Variants in RP1 observed in about 807,000 individuals in gnomAD.
The protein encoded by RP1 is RP1 axonemal microtubule associated.
A neutral mutation model predicts 14.8 loss-of-function variants in RP1; 16 were observed. The observed-to-expected ratio is 1.08, with a 90% CI of 0.73 to 1.65. The LOEUF (loss-of-function observed/expected upper bound fraction) is 1.65, where lower values mean the gene tolerates loss of function less well. Among genes scored for constraint, RP1 ranks in the 40% most tolerant of loss-of-function variants. RP1 has a pLI of 0.00. For synonymous variants in RP1, 876 were observed against 883.6 expected, an observed-to-expected ratio of 0.99 and a Z score of 0.15; for missense variants, 2,631 against 2,535.0, an observed-to-expected ratio of 1.04 and a Z score of -0.81.
intron 24 of RP1, among the ~76,000 whole-genome samples, chr8:54,792,728 A>C (rs536649772): frequency 3.9e-5 from 6 of 152,052 alleles, no homozygotes; most frequent in African/African-American, 1.4e-4. Context: ...AAATGGCTAC[A>C]TTATGAAACA....
At position 54,826,517 on chromosome 8, in the gene RP1, T is replaced by C. The variant is rs573308726; in HGVS notation, c.3616-10933T>C. On this transcript the variant is annotated intron_variant, in intron 24 of 28. Coordinates refer to the RP1 transcript ENST00000637698. ...TTCAGTTTTTAGAGAATAACCATTA[T>C]AAAGAATTTCTGTCATCAATATAAA... 3.9e-5 allele frequency among the ~76,000 whole-genome samples: 6 copies of C among 152,348 alleles called. No individual in the cohort carries two copies. The South Asian group carries it at 6.2e-4, about 16-fold the overall frequency.
chr8:54,567,244 A>T (rs1804429603), intron 1 of RP1, among the ~76,000 whole-genome samples: 1 of 152,240 alleles, frequency 6.6e-6, no homozygotes, highest in African/African-American at 2.4e-5. Context: ...TCAGTCTCTC[A>T]GTCGCGGAAT....
intron 1 of RP1, among the ~76,000 whole-genome samples, chr8:54,570,602 A>G (rs1329251607): frequency 4.0e-5 from 6 of 151,164 alleles, no homozygotes; most frequent in Admixed American, 4.0e-4. Context: ...TGCTAGAATT[A>G]CAGGTGTGAG....
intron 25 of RP1, among the ~76,000 whole-genome samples, chr8:54,846,025 C>A (rs1406585248): frequency 1.3e-5 from 2 of 152,190 alleles, no homozygotes; most frequent in Non-Finnish European, 2.9e-5. Flanking sequence ...TTCCAGCCAG[C>A]TTTGCGAAGG....
At chr8:54,664,684 C>A (rs1806976630) in intron 7 of RP1, among the ~76,000 whole-genome samples, 1 of 152,076 alleles carries the variant, frequency 6.6e-6, no homozygotes, top group Non-Finnish European at 1.5e-5. Context: ...TGTATATAAT[C>A]TTTGGAGAAA....
chr8:54,692,036 A>G (rs1279399381), intron 12 of RP1, among the ~76,000 whole-genome samples: 2 of 151,924 alleles, frequency 1.3e-5, no homozygotes, highest in South Asian at 2.1e-4. Flanking sequence ...CTCGTTGTTC[A>G]ATTCCCACCT....
At chr8:54,791,897 G>C (rs1810473515) in intron 24 of RP1, among the ~76,000 whole-genome samples, 1 of 151,998 alleles carries the variant, frequency 6.6e-6, no homozygotes, top group African/African-American at 2.4e-5. Context: ...TAAATTATTT[G>C]ATGAAAAGAT....
chr8:54,666,029 A>G (rs2129330626), intron 7 of RP1, among the ~76,000 whole-genome samples: 1 of 152,084 alleles, frequency 6.6e-6, no homozygotes, highest in East Asian at 1.9e-4. Context: ...GAGAATGCCT[A>G]TCCCCATCAG....
At chr8:54,635,800 C>G (rs1451856339), downstream of RP1, among the ~76,000 whole-genome samples, 1 of 152,136 alleles carries the variant, frequency 6.6e-6, no homozygotes, top group Non-Finnish European at 1.5e-5. Flanking sequence ...TAGGTTCACC[C>G]CTTCAGGAGG....
chr8:54,658,732 T>C (rs1256838690), intron 6 of RP1, among the ~76,000 whole-genome samples: 1 of 152,186 alleles, frequency 6.6e-6, no homozygotes, highest in Non-Finnish European at 1.5e-5. Flanking sequence ...TACTTTGAAC[T>C]CTTTTGGGTG....
At chr8:54,820,906 C>T (rs1811240714) in intron 24 of RP1, among the ~76,000 whole-genome samples, 1 of 152,074 alleles carries the variant, frequency 6.6e-6, no homozygotes, top group Non-Finnish European at 1.5e-5. Context: ...AAGACATGGC[C>T]TCCAGGAATC....
chr8:54,738,891 T>C, intron 18 of RP1: 2 of 1,211,816 alleles, frequency 1.7e-6, no homozygotes, highest in Admixed American at 2.7e-5. Flanking sequence ...TTTTTTAATG[T>C]GCTTAATTTA....
chr8:54,576,602 G>C (rs534768905), intron 1 of RP1, among the ~76,000 whole-genome samples: 2 of 152,278 alleles, frequency 1.3e-5, no homozygotes, highest in African/African-American at 4.8e-5. Flanking sequence ...CTAGCCTGTG[G>C]GTTCTCATTT....
At chr8:54,669,522 A>G (rs1410204908) in intron 7 of RP1, among the ~76,000 whole-genome samples, 10 of 152,224 alleles carry the variant, frequency 6.6e-5, no homozygotes, top group Non-Finnish European at 1.2e-4. Flanking sequence ...CGACCCCATT[A>G]CTGGGTATAT....
chr8:54,755,020 C>T, intron 20 of RP1: 1 of 1,330,690 alleles, frequency 7.5e-7, no homozygotes, highest in South Asian at 2.1e-5. Flanking sequence ...TATTTAGTTA[C>T]AGAATATTTT....
chr8:54,751,372 G>C (rs1204755233), intron 19 of RP1, among the ~76,000 whole-genome samples: 1 of 152,158 alleles, frequency 6.6e-6, no homozygotes, highest in African/African-American at 2.4e-5. Context: ...TGCCATGTTT[G>C]TGATGGTTTG....
chr8:54,797,399 A>C (rs541573092), intron 24 of RP1, among the ~76,000 whole-genome samples: 1 of 152,200 alleles, frequency 6.6e-6, no homozygotes, highest in Non-Finnish European at 1.5e-5. Flanking sequence ...AATTTGTTCC[A>C]ACATAATTGG....
Position 54,727,269 on chromosome 8 carries a change from G to GT in RP1, c.2521+799dup, listed in dbSNP as rs377216586. ...TTTTTGCTGCAAAGGACTAGTCTCA[G>GT]TTTTTTATTTCCATGTCATGTCTTG... On this transcript the variant is annotated intron_variant, in intron 17 of 22. Coordinates refer to the RP1 transcript ENST00000636932. Among the ~76,000 whole-genome samples the GT allele has an allele frequency of 5.8e-4, 88 of 152,164 alleles. 1 individual carries two copies. The highest frequency in any genetic ancestry group is 1.8e-3 in the African/African-American group (76 of 41,546).
rs772485466 is a variant in RP1 at position 54,608,183 on chromosome 8, C to CT, written c.-12-12754dup. ...AGCTGTTCCTATTTTGGCCATCTGC[C>CT]TTTTTTTTTTTTTTTTTTAATTTGA... is the stretch of plus-strand genomic sequence containing the variant. On this transcript the variant is annotated intron_variant, in intron 1 of 22. Coordinates refer to the RP1 transcript ENST00000636932. Among the ~76,000 whole-genome samples, 435 of 136,870 alleles carry CT rather than the reference C, an allele frequency of 3.2e-3. 4 individuals carry two copies. Among genetic ancestry groups the CT allele is most frequent in the African/African-American group, 7.9e-3 (289 of 36,670 alleles). 89.8% of individuals were successfully genotyped at this position (136,870 alleles called of 152,430 possible). A position where few individuals can be genotyped will look rare whatever the true frequency, so the allele number is the denominator to read the frequency against.
Sources: allele counts gnomAD v4.1 joint callset (sites outside exome capture counted in the v4.1 genomes callset), GRCh38; gene constraint gnomAD v4.1.1; transcripts MANE v1.5; gene names NCBI Gene and HGNC (gene_info 2026-07-23, HGNC 2026-07-21).